Variants in FGF12 observed in about 807,000 individuals in gnomAD.
The protein encoded by FGF12 is fibroblast growth factor 12B.
FGF12 carries 14 observed loss-of-function variants against 23.6 expected under a neutral mutation model. The observed-to-expected ratio is 0.59, with a 90% CI of 0.39 to 0.93. The LOEUF (loss-of-function observed/expected upper bound fraction) is 0.93, where lower values mean the gene tolerates loss of function less well. Among genes scored for constraint, FGF12 ranks in the 40% least tolerant of loss-of-function variants. The pLI is 0.00. For missense variants in FGF12, 175 were observed against 217.8 expected, an observed-to-expected ratio of 0.80 and a Z score of 1.24; for synonymous variants, 62 against 77.3, an observed-to-expected ratio of 0.80 and a Z score of 1.04.
At chr3:192,654,437 C>T (rs1222136242) in intron 2 of FGF12, among the ~76,000 whole-genome samples, 1 of 152,182 alleles carries the variant, frequency 6.6e-6, no homozygotes, top group African/African-American at 2.4e-5. Context: ...TAAATAATCT[C>T]CATATCAGCA....
chr3:192,287,716 T>G (rs1714532546), intron 4 of FGF12, among the ~76,000 whole-genome samples: 1 of 152,074 alleles, frequency 6.6e-6, no homozygotes, highest in Admixed American at 6.6e-5. Context: ...TATTTAATAC[T>G]TATTGTGTGC....
rs1191433509 is a variant in FGF12, at chr3:192,290,941, A to C, written c.228+44420T>G. 3.9e-5 allele frequency among the ~76,000 whole-genome samples: 6 copies of C among 152,190 alleles called. No homozygotes were observed. The East Asian group carries it at 1.2e-3, about 29-fold the overall frequency. ...GTATATAACATACATGTATATACAC[A>C]CATACATCGAAAAACATCTATACAT... is the stretch of plus-strand genomic sequence containing the variant. On this transcript the variant is annotated intron_variant, in intron 4 of 5. Transcript: ENST00000445105.
intron 2 of FGF12, among the ~76,000 whole-genome samples, chr3:192,658,737 T>TA (rs1251558100): frequency 6.6e-6 from 1 of 151,774 alleles, no homozygotes; most frequent in Non-Finnish European, 1.5e-5. Flanking sequence ...TTAAGATTTT[T>TA]AAAAAACCTC....
At position 192,450,456 on chromosome 3, in the gene FGF12, G is replaced by A. The variant is rs148691688; in HGVS notation, c.14-89918C>T. ...AGTAATACTAAACATAGATAGAACCGAACATAGGATACCAAATAAAACTCA... is the reference window on the plus strand; with the variant it reads ...AGTAATACTAAACATAGATAGAACCAAACATAGGATACCAAATAAAACTCA... On this transcript the variant is annotated intron_variant, in intron 2 of 5. Coordinates refer to ENST00000445105, the MANE Select transcript of FGF12 (RefSeq NM_004113.6). Among the ~76,000 whole-genome samples, 1,382 of 152,182 alleles carry A rather than the reference G, an allele frequency of 9.1e-3. 10 individuals carry two copies. Among genetic ancestry groups the A allele is most frequent in the Middle Eastern group, 0.02 (6 of 294 alleles).
chr3:192,253,505 T>G (rs1484191631), intron 4 of FGF12, among the ~76,000 whole-genome samples: 2 of 152,110 alleles, frequency 1.3e-5, no homozygotes, highest in Non-Finnish European at 2.9e-5. Flanking sequence ...TAGCTTTAGT[T>G]AACAGTAAGA....
chr3:192,217,280 T>C lies in FGF12; in HGVS notation c.229-46624A>G, dbSNP rs141720353. On this transcript the variant is annotated intron_variant, in intron 4 of 5. Transcript: ENST00000445105. ...AAACTGCCCAACACCTTAAGCGCTA[T>C]ATGAGCGTCTGCTGTTGTTTTTGTT... Among the ~76,000 whole-genome samples the C allele has an allele frequency of 3.0e-3, 450 of 152,334 alleles. 4 individuals are homozygous for C. The highest frequency in any genetic ancestry group is 0.017 in the Middle Eastern group (5 of 294).
rs541349582 is a variant in FGF12, at chr3:192,189,436, T to C, written c.229-18780A>G. On this transcript the variant is annotated intron_variant, in intron 4 of 5. Coordinates refer to ENST00000445105, the MANE Select transcript of FGF12 (RefSeq NM_004113.6). ...AGTTGACGCACCTCTCTCCTCTCTTTGCCGTCTGTTACAAACTAAACTGTG... is the reference window on the plus strand; with the variant it reads ...AGTTGACGCACCTCTCTCCTCTCTTCGCCGTCTGTTACAAACTAAACTGTG... Among the ~76,000 whole-genome samples, 168 of 152,308 alleles carry C rather than the reference T, an allele frequency of 1.1e-3. 1 individual carries two copies. The highest frequency in any genetic ancestry group is 6.8e-3 in the Middle Eastern group (2 of 294).
At chr3:192,567,735 CTCTTTCTTTCTT>C (rs58243923) in intron 2 of FGF12, among the ~76,000 whole-genome samples, 4,781 of 125,996 alleles carry the variant, frequency 0.038, 121 homozygotes, top group East Asian at 0.061. Context: ...CTCCATGTGT[CTCTTTCTTTCTT>C]TCTTTCTTTC....
intron 2 of FGF12, among the ~76,000 whole-genome samples, chr3:192,374,418 GTACC>G (rs1156323499): frequency 6.6e-6 from 1 of 152,130 alleles, no homozygotes; most frequent in East Asian, 1.9e-4. Flanking sequence ...ACATCTATAT[GTACC>G]ACGTAGGAAT....
intron 2 of FGF12, among the ~76,000 whole-genome samples, chr3:192,558,958 G>C (rs1010917009): frequency 6.6e-6 from 1 of 151,838 alleles, no homozygotes; most frequent in Admixed American, 6.6e-5. Flanking sequence ...ACTCAAAGTC[G>C]ATTAAAGACT....
In FGF12 at chr3:192,686,815, A is replaced by ATTTTTTTT. The variant is rs57045697; in HGVS notation, c.13+40358_13+40365dup. Among the ~76,000 whole-genome samples, 34 of 61,480 alleles carry ATTTTTTTT rather than the reference A, an allele frequency of 5.5e-4. 2 individuals are homozygous for ATTTTTTTT. The highest frequency in any genetic ancestry group is 2.6e-3 in the African/African-American group (32 of 12,292). 40.3% of individuals were successfully genotyped at this position (61,480 alleles called of 152,430 possible). A position where few individuals can be genotyped will look rare whatever the true frequency, so the allele number is the denominator to read the frequency against. On this transcript the variant is annotated intron_variant, in intron 2 of 5. Coordinates refer to ENST00000445105, the MANE Select transcript of FGF12 (RefSeq NM_004113.6). ...AAAAAGACAATGACTTTTTTCTCTA[A>ATTTTTTTT]TTTTTTTTTTTTTTTTTTTTTTTTT... is the stretch of plus-strand genomic sequence containing the variant.
chr3:192,522,184 C>T (rs1392583376), intron 2 of FGF12, among the ~76,000 whole-genome samples: 10 of 135,704 alleles, frequency 7.4e-5, no homozygotes, highest in South Asian at 2.5e-4. Context: ...GGCGACAGAG[C>T]GAGACTCCGT....
At chr3:192,359,353 G>T (rs1023837017) in intron 3 of FGF12, among the ~76,000 whole-genome samples, 1 of 152,126 alleles carries the variant, frequency 6.6e-6, no homozygotes, top group East Asian at 1.9e-4. Flanking sequence ...TTTAAAAGAC[G>T]TTTCACTACA....
chr3:192,689,474 C>A (rs1399077810), intron 2 of FGF12, among the ~76,000 whole-genome samples: 2 of 151,700 alleles, frequency 1.3e-5, no homozygotes, highest in East Asian at 3.9e-4. Context: ...TGATAGAAAA[C>A]ATTAGAAAAT....
At chr3:192,614,865 T>C (rs766161263) in intron 2 of FGF12, among the ~76,000 whole-genome samples, 3 of 152,000 alleles carry the variant, frequency 2.0e-5, no homozygotes, top group Admixed American at 2.0e-4. Context: ...ACTTCCAGCC[T>C]TCTAAGTACT....
intron 4 of FGF12, among the ~76,000 whole-genome samples, chr3:192,281,195 C>T (rs1202041440): frequency 6.6e-6 from 1 of 152,174 alleles, no homozygotes; most frequent in Non-Finnish European, 1.5e-5. Context: ...TCAGCAAGGC[C>T]ATCTTCCCTC....
chr3:192,250,163 C>G (rs1411877489), intron 4 of FGF12, among the ~76,000 whole-genome samples: 4 of 152,084 alleles, frequency 2.6e-5, no homozygotes, highest in African/African-American at 9.7e-5. Context: ...GACATAATAA[C>G]CTAACGTTTT....
intron 4 of FGF12, among the ~76,000 whole-genome samples, chr3:192,267,849 T>C (rs1300805929): frequency 6.6e-6 from 1 of 152,186 alleles, no homozygotes; most frequent in Non-Finnish European, 1.5e-5. Context: ...AAACCCACTA[T>C]AGATAATTTT....
intron 2 of FGF12, among the ~76,000 whole-genome samples, chr3:192,640,562 A>G (rs923933727): frequency 6.6e-6 from 1 of 152,196 alleles, no homozygotes; most frequent in African/African-American, 2.4e-5. Flanking sequence ...GTTATTTTAT[A>G]GGAGGAAAAG....
Sources: allele counts gnomAD v4.1 joint callset (sites outside exome capture counted in the v4.1 genomes callset), GRCh38; gene constraint gnomAD v4.1.1; transcripts MANE v1.5; gene names NCBI Gene and HGNC (gene_info 2026-07-23, HGNC 2026-07-21).